RNF14: variants seen among roughly 807,000 people sequenced by gnomAD.
RNF14 encodes ring finger protein 14, also known as E3 ubiquitin-protein ligase RNF14.
RNF14 carries 26 observed loss-of-function variants against 52.6 expected under a neutral mutation model. The observed-to-expected ratio is 0.49, with a 90% CI of 0.36 to 0.69. RNF14 has a LOEUF of 0.69. Ranked by LOEUF, RNF14 falls within the 30% of genes least tolerant of loss-of-function variation. RNF14 has a pLI of 0.00. For synonymous variants in RNF14, 194 were observed against 202.0 expected (o/e 0.96, Z 0.34); for missense variants, 404 against 560.4 (o/e 0.72, Z 2.82).
chr5:141,961,270 C>T (rs974854765), intron 1 of RNF14, among the ~76,000 whole-genome samples: 2 of 151,984 alleles, frequency 1.3e-5, no homozygotes, highest in Admixed American at 6.6e-5. Flanking sequence ...ATGCATAGGT[C>T]GCAAGAAAGT....
intron 1 of RNF14, among the ~76,000 whole-genome samples, chr5:141,960,511 G>T (rs571678013): frequency 6.6e-6 from 1 of 152,252 alleles, no homozygotes; most frequent in African/African-American, 2.4e-5. Flanking sequence ...GTGTAGGGAG[G>T]AAGGTTGGGC....
intron 1 of RNF14, among the ~76,000 whole-genome samples, chr5:141,961,238 G>C (rs1753273209): frequency 6.6e-6 from 1 of 151,930 alleles, no homozygotes; most frequent in Non-Finnish European, 1.5e-5. Flanking sequence ...GTTTTGACTG[G>C]GAATGTGAAT....
upstream of RNF14, chr5:141,956,567 T>G (rs144214295): frequency 5.0e-6 from 8 of 1,614,002 alleles, no homozygotes; most frequent in Non-Finnish European, 6.8e-6. Context: ...GCTAACAGAG[T>G]GAGGGTATAT....
At chr5:141,959,892 C>T (rs560627731) in intron 1 of RNF14, among the ~76,000 whole-genome samples, 9 of 152,298 alleles carry the variant, frequency 5.9e-5, no homozygotes, top group South Asian at 2.1e-4. Flanking sequence ...GGGCTGTCAT[C>T]GATCTCACAA....
chr5:141,957,438 G>A (rs377101273), upstream of RNF14: 158 of 1,612,322 alleles, frequency 9.8e-5, no homozygotes, highest in Non-Finnish European at 1.2e-4. The surrounding 1 kb of genome is among the most constrained non-coding windows in gnomAD (Gnocchi z 4.3). Context: ...GCTCCTGCTC[G>A]CCTTTGGGAA....
In RNF14 at chr5:141,989,135, G is replaced by C. The variant is rs777897912; in HGVS notation, c.*1345G>C. 1 of 152,278 alleles carries C rather than the reference G, an allele frequency of 6.6e-6. No homozygotes were observed. The highest frequency in any genetic ancestry group is 2.4e-5 in the African/African-American group (1 of 41,436). The allele number at this position is 152,278 out of a possible 1,614,324, so 9.4% of individuals were successfully genotyped here. On this transcript the variant is annotated 3_prime_UTR_variant, in exon 9 of 9. Coordinates refer to ENST00000394520, the MANE Select transcript of RNF14 (RefSeq NM_004290.5). ...AGGATTATGTTTTTGGATTGTCAAAGAGGATGCTTAGTCTTAAAATAAAAA... is the reference window on the plus strand; with the variant it reads ...AGGATTATGTTTTTGGATTGTCAAACAGGATGCTTAGTCTTAAAATAAAAA...
upstream of RNF14, chr5:141,955,900 G>A (rs1292288420): frequency 6.2e-7 from 1 of 1,614,168 alleles, no homozygotes; most frequent in South Asian, 1.1e-5. The surrounding 1 kb of genome is among the most constrained non-coding windows in gnomAD (Gnocchi z 5.5). Flanking sequence ...CCCCGTATGA[G>A]GGTTGAGGAT....
chr5:141,983,528 C>T lies in RNF14; in HGVS notation c.1212C>T (p.Cys404=). Reference sequence around the variant, plus strand: ...GGCTAGAGAAGAACTCAAAGAGCTGCCCATGTTGTGGAACTCCCATAGAGG... The same window carrying T: ...GGCTAGAGAAGAACTCAAAGAGCTGTCCATGTTGTGGAACTCCCATAGAGG... ...KEWLEKNSKS[C]PCCGTPIEKL... Residue 404 remains cysteine (C), a synonymous_variant, in exon 7 of 9, where the codon TGC becomes TGT. Coordinates refer to ENST00000394520, the MANE Select transcript of RNF14 (RefSeq NM_004290.5). The T allele has an allele frequency of 6.2e-7, 1 of 1,611,566 alleles. No homozygotes were observed. Among genetic ancestry groups the T allele is most frequent in the East Asian group, 2.2e-5 (1 of 44,836 alleles).
intron 8 of RNF14, among the ~76,000 whole-genome samples, chr5:141,986,477 A>G (rs1007780456): frequency 1.3e-5 from 2 of 152,244 alleles, no homozygotes; most frequent in African/African-American, 4.8e-5. Flanking sequence ...GTGTCTTGAA[A>G]GGGTTCAGTT....
Position 141,980,319 on chromosome 5 carries a change from A to C in RNF14, c.1031A>C (p.Tyr344Ser), listed in dbSNP as rs750911334. Residue 344 changes from tyrosine to serine, a missense_variant, in exon 6 of 9, where the codon TAC (tyrosine) becomes TCC (serine). Tyr to Ser is a moderately radical substitution (Grantham distance 144). Coordinates refer to ENST00000394520, the MANE Select transcript of RNF14 (RefSeq NM_004290.5). Reference protein sequence around the residue: ...FAFCTLCRLTYHGVSPCKVTA... With the variant: ...FAFCTLCRLTSHGVSPCKVTA... Reference sequence around the variant, plus strand: ...TTCTGTACTTTGTGCAGGTTGACCTACCATGGGGTCTCCCCATGTAAGGTG... The same window carrying C: ...TTCTGTACTTTGTGCAGGTTGACCTCCCATGGGGTCTCCCCATGTAAGGTG... The C allele has an allele frequency of 2.5e-6, 4 of 1,614,142 alleles. No individual in the cohort carries two copies.
upstream of RNF14, chr5:141,957,098 C>T (rs1183581032): frequency 4.3e-6 from 7 of 1,614,002 alleles, no homozygotes; most frequent in Non-Finnish European, 5.9e-6. The surrounding 1 kb of genome is among the most constrained non-coding windows in gnomAD (Gnocchi z 4.3). Context: ...TCTTGGATTT[C>T]CAGTGCCAGT....
intron 6 of RNF14, among the ~76,000 whole-genome samples, chr5:141,981,332 G>A (rs1754755733): frequency 6.6e-6 from 1 of 152,020 alleles, no homozygotes; most frequent in African/African-American, 2.4e-5. Flanking sequence ...TTGATTGTTA[G>A]CTGACTGTGG....
upstream of RNF14, chr5:141,957,968 C>T (rs574704551): frequency 7.7e-5 from 92 of 1,191,510 alleles, no homozygotes; most frequent in Middle Eastern, 7.6e-4. This position sits in a 1 kb window ranked among gnomAD's most constrained non-coding sequence, Gnocchi z 4.3. Flanking sequence ...CCAGAGCTGC[C>T]GGCACAACCT....
At chr5:141,955,895 T>C (rs983354172), upstream of RNF14, 5 of 1,613,954 alleles carry the variant, frequency 3.1e-6, no homozygotes, top group African/African-American at 6.7e-5. This position sits in a 1 kb window ranked among gnomAD's most constrained non-coding sequence, Gnocchi z 5.5. Flanking sequence ...AGCTGCCCCG[T>C]ATGAGGGTTG....
chr5:141,968,118 CTTTTT>C (rs55650781), upstream of RNF14, among the ~76,000 whole-genome samples: 7 of 118,954 alleles, frequency 5.9e-5, no homozygotes, highest in Admixed American at 8.8e-5. Context: ...TTGTGTTTGA[CTTTTT>C]TTTTTTTTTT....
chr5:141,966,318 A>G (rs1351652320), upstream of RNF14, among the ~76,000 whole-genome samples: 1 of 152,128 alleles, frequency 6.6e-6, no homozygotes, highest in Non-Finnish European at 1.5e-5. Flanking sequence ...AGTATAATAC[A>G]CCTGACTTCA....
At chr5:141,954,122 GA>G (rs3838246), upstream of RNF14, among the ~76,000 whole-genome samples, 82,143 of 151,998 alleles carry the variant, frequency 0.54, 22,679 homozygotes, top group East Asian at 0.83. Flanking sequence ...TATAGATGAG[GA>G]AAATGAGGCT....
upstream of RNF14, among the ~76,000 whole-genome samples, chr5:141,968,289 TAG>T (rs1753429395): frequency 6.6e-6 from 1 of 152,126 alleles, no homozygotes; most frequent in African/African-American, 2.4e-5. Context: ...GTATTTTTAG[TAG>T]AGACGGGGTT....
upstream of RNF14, chr5:141,955,452 C>T (rs747027342): frequency 1.2e-6 from 2 of 1,614,076 alleles, no homozygotes; most frequent in African/African-American, 1.3e-5. The surrounding 1 kb of genome is among the most constrained non-coding windows in gnomAD (Gnocchi z 5.5). Flanking sequence ...TCATCGCCTC[C>T]TTGTCCACAT....
Sources: gnomAD v4.1 joint callset for allele counts (sites outside exome capture counted in the v4.1 genomes callset) on GRCh38, gnomAD v4.1.1 for gene constraint, Gnocchi (gnomAD v3.1) non-coding constraint, MANE v1.5 for transcripts, NCBI Gene and HGNC (gene_info 2026-07-23, HGNC 2026-07-21) for gene names.